The following FGF12 variants were observed in gnomAD, a reference collection of about 807,000 sequenced individuals.
FGF12 encodes the protein fibroblast growth factor 12B.
Under a neutral mutation model 23.6 loss-of-function variants are expected in FGF12, and 14 were observed. The observed-to-expected ratio is 0.59, with a 90% CI of 0.39 to 0.93. The LOEUF is 0.93. FGF12 is among the 40% of genes least tolerant of loss of function. The pLI, the probability that FGF12 is intolerant of heterozygous loss-of-function variation, is 0.00. For missense variants in FGF12, 175 were observed against 217.8 expected (o/e 0.80, Z 1.24); for synonymous variants, 62 against 77.3 (o/e 0.80, Z 1.04).
At chr3:192,634,199 G>A (rs191267981) in intron 2 of FGF12, among the ~76,000 whole-genome samples, 300 of 150,744 alleles carry the variant, frequency 2.0e-3, no homozygotes, top group Middle Eastern at 3.4e-3. Context: ...GCCTACACAC[G>A]TAGATTCATA....
At chr3:192,419,828 G>A (rs1305283890) in intron 2 of FGF12, among the ~76,000 whole-genome samples, 1 of 152,138 alleles carries the variant, frequency 6.6e-6, no homozygotes, top group East Asian at 1.9e-4. Flanking sequence ...AACCCGGAAA[G>A]AAAGCACAGA....
chr3:192,155,733 A>C (rs1364199229), intron 5 of FGF12, among the ~76,000 whole-genome samples: 2 of 152,200 alleles, frequency 1.3e-5, no homozygotes, highest in Non-Finnish European at 2.9e-5. Flanking sequence ...ATTAATTTCT[A>C]ATCACATACT....
chr3:192,191,514 T>C (rs1158468467), intron 4 of FGF12, among the ~76,000 whole-genome samples: 1 of 152,156 alleles, frequency 6.6e-6, no homozygotes, highest in Admixed American at 6.5e-5. Flanking sequence ...TTTTCTCCAT[T>C]TTTCTGTGAG....
chr3:192,457,739 A>C (rs1316703054), intron 2 of FGF12, among the ~76,000 whole-genome samples: 1 of 152,196 alleles, frequency 6.6e-6, no homozygotes, highest in Non-Finnish European at 1.5e-5. Context: ...TTTTGAGGAG[A>C]AATTCAAGCT....
intron 4 of FGF12, among the ~76,000 whole-genome samples, chr3:192,285,996 A>G (rs1024559750): frequency 6.6e-6 from 1 of 152,082 alleles, no homozygotes; most frequent in Non-Finnish European, 1.5e-5. Flanking sequence ...CAATTAAACA[A>G]AAATTTATCA....
chr3:192,489,685 G>T (rs1723742318), intron 2 of FGF12, among the ~76,000 whole-genome samples: 1 of 151,998 alleles, frequency 6.6e-6, no homozygotes, highest in African/African-American at 2.4e-5. Context: ...TTGCTGCTTT[G>T]AATTTAGGCT....
intron 4 of FGF12, among the ~76,000 whole-genome samples, chr3:192,299,053 C>T (rs1290053989): frequency 6.6e-6 from 1 of 152,224 alleles, no homozygotes; most frequent in African/African-American, 2.4e-5. Flanking sequence ...CAGGCCCCGC[C>T]TCCAACAGTG....
At chr3:192,291,681 C>G (rs1353219936) in intron 4 of FGF12, among the ~76,000 whole-genome samples, 1 of 151,774 alleles carries the variant, frequency 6.6e-6, no homozygotes, top group Non-Finnish European at 1.5e-5. Context: ...TACTGGCTTA[C>G]TAATACAGAG....
intron 2 of FGF12, among the ~76,000 whole-genome samples, chr3:192,605,466 G>C (rs1714302707): frequency 6.6e-6 from 1 of 151,408 alleles, no homozygotes; most frequent in Non-Finnish European, 1.5e-5. Context: ...CTATTACTAA[G>C]TCCTCAAAAG....
In FGF12 at chr3:192,509,798, T is replaced by C. The variant is rs568058581; in HGVS notation, c.14-149260A>G. 7.9e-5 allele frequency among the ~76,000 whole-genome samples: 12 copies of C among 152,290 alleles called. No individual in the cohort carries two copies. The East Asian group carries it at 2.3e-3, about 29-fold the overall frequency. On this transcript the variant is annotated intron_variant, in intron 2 of 5. Coordinates refer to ENST00000445105, the MANE Select transcript of FGF12 (RefSeq NM_004113.6). The stretch of plus-strand genomic sequence containing the variant: ...GAAATCAATACATCTATTTATTATA[T>C]ACTACACATGATATCACAGAGAAAT...
At chr3:192,689,673 C>T (rs1420915740) in intron 2 of FGF12, among the ~76,000 whole-genome samples, 3 of 151,018 alleles carry the variant, frequency 2.0e-5, no homozygotes, top group Non-Finnish European at 3.0e-5. Flanking sequence ...TATAAAACAC[C>T]ATCAAGAGAG....
At chr3:192,550,317 T>C (rs1042562855) in intron 2 of FGF12, among the ~76,000 whole-genome samples, 2 of 150,436 alleles carry the variant, frequency 1.3e-5, no homozygotes, top group South Asian at 4.2e-4. Flanking sequence ...ACATATATAA[T>C]ATATTCCTTT....
chr3:192,491,260 G>A (rs2108826174), intron 2 of FGF12, among the ~76,000 whole-genome samples: 1 of 152,082 alleles, frequency 6.6e-6, no homozygotes, highest in Non-Finnish European at 1.5e-5. Context: ...CTCCCCATAA[G>A]ACCATGACCT....
intron 2 of FGF12, among the ~76,000 whole-genome samples, chr3:192,666,723 A>G (rs1716884214): frequency 6.6e-6 from 1 of 152,176 alleles, no homozygotes; most frequent in South Asian, 2.1e-4. Flanking sequence ...TTCAATGCAA[A>G]TGTCCTGACA....
rs148649181 is a variant in FGF12 at position 192,654,182 on chromosome 3, G to A, written c.13+72999C>T. ...TTTAGGCTTGGAAGTAGGCACAAAGGAAGCTAGTGTTTTGTGGAAGTTTGG... is the reference window on the plus strand; with the variant it reads ...TTTAGGCTTGGAAGTAGGCACAAAGAAAGCTAGTGTTTTGTGGAAGTTTGG... On this transcript the variant is annotated intron_variant, in intron 2 of 5. Transcript: ENST00000445105. Among the ~76,000 whole-genome samples the A allele has an allele frequency of 8.2e-3, 1,252 of 152,326 alleles. 21 individuals carry two copies. Among genetic ancestry groups the A allele is most frequent in the African/African-American group, 0.029 (1,220 of 41,572 alleles).
chr3:192,712,104 A>G (rs1378825116), intron 2 of FGF12, among the ~76,000 whole-genome samples: 4 of 151,894 alleles, frequency 2.6e-5, no homozygotes, highest in Non-Finnish European at 5.9e-5. Flanking sequence ...GAAATTAAAG[A>G]AAACATCTAA....
chr3:192,190,468 C>CTTTTTTTTTTTT (rs34108891), intron 4 of FGF12, among the ~76,000 whole-genome samples: 12 of 89,104 alleles, frequency 1.3e-4, no homozygotes, highest in East Asian at 4.0e-4. Flanking sequence ...GCCCAATACT[C>CTTTTTTTTTTTT]TTTTTTTTTT....
intron 4 of FGF12, among the ~76,000 whole-genome samples, chr3:192,186,947 GA>G (rs2108641790): frequency 6.6e-6 from 1 of 152,250 alleles, no homozygotes; most frequent in Non-Finnish European, 1.5e-5. Context: ...CTCCTTAGTA[GA>G]AATCTGTATT....
chr3:192,212,699 C>T (rs1717994916), intron 4 of FGF12, among the ~76,000 whole-genome samples: 1 of 151,098 alleles, frequency 6.6e-6, no homozygotes, highest in Admixed American at 6.6e-5. Flanking sequence ...TGTCATTTAA[C>T]AGTCATAAAT....
Sources: gnomAD v4.1 joint callset for allele counts (sites outside exome capture counted in the v4.1 genomes callset) on GRCh38, gnomAD v4.1.1 for gene constraint, MANE v1.5 for transcripts, NCBI Gene and HGNC (gene_info 2026-07-23, HGNC 2026-07-21) for gene names.